Variants in OSBPL10 observed in about 807,000 individuals in gnomAD.
OSBPL10 encodes the protein oxysterol-binding protein-related protein 10.
In OSBPL10, 49 loss-of-function variants were observed where a neutral mutation model predicts 81.7. The observed-to-expected ratio is 0.60, with a 90% confidence interval of 0.48 to 0.76. OSBPL10 has a LOEUF of 0.76. OSBPL10 is among the 30% of genes least tolerant of loss of function. The pLI is 0.00. For synonymous variants in OSBPL10, 419 were observed against 383.6 expected (o/e 1.09, Z -1.08); for missense variants, 923 against 987.8 (o/e 0.93, Z 0.88).
At chr3:31,992,908 C>A (rs1009301889) in intron 2 of OSBPL10, among the ~76,000 whole-genome samples, 1 of 152,162 alleles carries the variant, frequency 6.6e-6, no homozygotes, top group African/African-American at 2.4e-5. Flanking sequence ...GAGGCTGAGG[C>A]AGGAGTATCA....
chr3:31,936,522 T>G (rs889414323), intron 1 of OSBPL10, among the ~76,000 whole-genome samples: 7 of 152,244 alleles, frequency 4.6e-5, no homozygotes, highest in African/African-American at 1.7e-4. Flanking sequence ...CATTAAAATA[T>G]TCACTTCTTT....
At chr3:31,759,694 C>T (rs1270988256) in intron 4 of OSBPL10, among the ~76,000 whole-genome samples, 1 of 152,022 alleles carries the variant, frequency 6.6e-6, no homozygotes, top group South Asian at 2.1e-4. Context: ...CATTAGCAGT[C>T]GATTAGCACA....
At chr3:31,788,787 AT>A (rs924990790) in intron 4 of OSBPL10, among the ~76,000 whole-genome samples, 8 of 152,256 alleles carry the variant, frequency 5.3e-5, no homozygotes, top group East Asian at 1.9e-4. Flanking sequence ...CTAAAAAAAA[AT>A]AATAATAAAA....
At chr3:31,690,628 A>G (rs1695507630) in intron 7 of OSBPL10, among the ~76,000 whole-genome samples, 3 of 152,262 alleles carry the variant, frequency 2.0e-5, no homozygotes, top group Non-Finnish European at 4.4e-5. Context: ...CACAGCCAAC[A>G]TCAAGTCCAA....
chr3:31,922,794 C>G (rs1473632271), intron 1 of OSBPL10, among the ~76,000 whole-genome samples: 1 of 152,082 alleles, frequency 6.6e-6, no homozygotes, highest in Non-Finnish European at 1.5e-5. Context: ...GTGGCTCCGT[C>G]TTGCAGGGGT....
chr3:31,770,630 T>A (rs886120908), intron 4 of OSBPL10, among the ~76,000 whole-genome samples: 3 of 151,988 alleles, frequency 2.0e-5, no homozygotes, highest in Non-Finnish European at 4.4e-5. Context: ...CTACTAAAAA[T>A]ACAAAATTAG....
intron 7 of OSBPL10, among the ~76,000 whole-genome samples, chr3:31,691,730 AAAGAAAG>A (rs943611177): frequency 2.6e-4 from 39 of 152,176 alleles, no homozygotes; most frequent in African/African-American, 8.4e-4. Context: ...AAGAAAGAGA[AAAGAAAG>A]AAAAAAGAAA....
chr3:32,026,030 AGATAGATAGATAGATAGATAGATAGAT>A (rs146127395), intron 2 of OSBPL10, among the ~76,000 whole-genome samples: 3 of 122,472 alleles, frequency 2.4e-5, no homozygotes, highest in African/African-American at 9.8e-5. Context: ...ATAGATAGAT[AGATAGATAGATAGATAGATAGATAGAT>A]GATAGATAGA....
chr3:31,713,337 A>C (rs6809936), intron 6 of OSBPL10, among the ~76,000 whole-genome samples: 136,102 of 152,196 alleles, frequency 0.89, 61,228 homozygotes, highest in East Asian at 0.99. Context: ...CTGCTCTTAT[A>C]GGTCTTCTTC....
At chr3:31,995,714 A>G (rs758171424) in intron 2 of OSBPL10, among the ~76,000 whole-genome samples, 1 of 152,218 alleles carries the variant, frequency 6.6e-6, no homozygotes, top group Non-Finnish European at 1.5e-5. Context: ...TTATTAGGGA[A>G]GTGATAAATG....
intron 1 of OSBPL10, among the ~76,000 whole-genome samples, chr3:32,073,428 G>A (rs949895491): frequency 6.6e-6 from 1 of 152,080 alleles, no homozygotes; most frequent in Non-Finnish European, 1.5e-5. Context: ...CCACCTGCAG[G>A]ACCCTCCCCA....
rs1037283519 is a variant in OSBPL10, at chr3:31,819,198, C to T, written c.729+10842G>A. On this transcript the variant is annotated intron_variant, in intron 4 of 11. Coordinates refer to ENST00000396556, the MANE Select transcript of OSBPL10 (RefSeq NM_017784.5). The stretch of plus-strand genomic sequence containing the variant: ...TTTTCAGAGGCTCCCCCGCTGATAC[C>T]CACCTCTCCCATTCTGGCCTACCCA... 3.3e-5 allele frequency among the ~76,000 whole-genome samples: 5 copies of T among 152,210 alleles called. 1 individual carries two copies. The highest frequency in any genetic ancestry group is 4.8e-5 in the African/African-American group (2 of 41,554).
chr3:31,864,437 G>A (rs567270226), intron 3 of OSBPL10, among the ~76,000 whole-genome samples: 7 of 151,996 alleles, frequency 4.6e-5, no homozygotes, highest in South Asian at 4.2e-4. Context: ...ACAGGGTTTC[G>A]CCATGTTGCC....
At chr3:31,957,293 T>C (rs895553242) in intron 1 of OSBPL10, among the ~76,000 whole-genome samples, 4 of 152,146 alleles carry the variant, frequency 2.6e-5, no homozygotes, top group South Asian at 2.1e-4. Flanking sequence ...TGACTTATTG[T>C]CATTACCCAC....
chr3:31,906,005 G>A (rs933866395), intron 1 of OSBPL10, among the ~76,000 whole-genome samples: 16 of 151,944 alleles, frequency 1.1e-4, no homozygotes, highest in Admixed American at 9.8e-4. Context: ...CTCTCCTGTA[G>A]AAGGAATATG....
intron 1 of OSBPL10, among the ~76,000 whole-genome samples, chr3:31,939,615 C>G (rs1448000223): frequency 6.6e-6 from 1 of 152,078 alleles, no homozygotes; most frequent in Admixed American, 6.5e-5. Context: ...TAGCTACAGT[C>G]AGCAGCACAC....
intron 4 of OSBPL10, among the ~76,000 whole-genome samples, chr3:31,749,577 T>C (rs1200437777): frequency 6.6e-6 from 1 of 152,136 alleles, no homozygotes; most frequent in Non-Finnish European, 1.5e-5. Flanking sequence ...TCCCAGCACT[T>C]AGGGAGGCGG....
intron 5 of OSBPL10, among the ~76,000 whole-genome samples, chr3:31,746,819 G>A: frequency 9.3e-6 from 1 of 107,208 alleles, no homozygotes; most frequent in East Asian, 3.0e-4. Context: ...TCCGGGGACT[G>A]TTGTGGGGTG....
At chr3:31,672,513 G>A (rs775846908) in intron 8 of OSBPL10, among the ~76,000 whole-genome samples, 1 of 151,988 alleles carries the variant, frequency 6.6e-6, no homozygotes, top group African/African-American at 2.4e-5. Context: ...TCTGAGGAGA[G>A]ATAGGGTTAA....
Sources: gnomAD v4.1 joint callset for allele counts (sites outside exome capture counted in the v4.1 genomes callset) on GRCh38, gnomAD v4.1.1 for gene constraint, MANE v1.5 for transcripts, NCBI Gene and HGNC (gene_info 2026-07-23, HGNC 2026-07-21) for gene names.